FRMD6: variants seen among roughly 807,000 people sequenced by gnomAD.
The protein encoded by FRMD6 is FERM domain-containing protein 6.
FRMD6 carries 37 observed loss-of-function variants against 73.2 expected under a neutral mutation model. The ratio of observed to expected loss-of-function variants is 0.51; its 90% CI spans 0.39 to 0.66. The LOEUF is 0.66. Ranked by LOEUF, FRMD6 falls within the 30% of genes least tolerant of loss-of-function variation. The pLI is 0.00. For synonymous variants in FRMD6, 273 were observed against 282.2 expected (o/e 0.97, Z 0.33); for missense variants, 714 against 780.5 (o/e 0.91, Z 1.02).
intron 1 of FRMD6, among the ~76,000 whole-genome samples, chr14:51,551,376 A>T (rs913584087): frequency 3.3e-5 from 5 of 152,226 alleles, no homozygotes; most frequent in African/African-American, 1.2e-4. Context: ...AGGAAGAAAA[A>T]GTTCAGTTGT....
At chr14:51,591,891 T>A (rs546857591) in intron 2 of FRMD6, among the ~76,000 whole-genome samples, 4 of 152,346 alleles carry the variant, frequency 2.6e-5, no homozygotes, top group Admixed American at 1.3e-4. Context: ...GAGAGTTTAA[T>A]GACAAAATAA....
intron 9 of FRMD6, among the ~76,000 whole-genome samples, chr14:51,713,042 A>G (rs907190824): frequency 9.9e-5 from 15 of 152,090 alleles, no homozygotes; most frequent in African/African-American, 3.1e-4. Context: ...AGAATGATAC[A>G]TTTTCTTTTG....
chr14:51,659,585 C>T (rs1041058614), intron 1 of FRMD6, among the ~76,000 whole-genome samples: 3 of 152,180 alleles, frequency 2.0e-5, no homozygotes, highest in African/African-American at 7.2e-5. Context: ...TTCTAATTTC[C>T]AGCCGTCTCA....
At chr14:51,599,277 C>G (rs1176582304) in intron 2 of FRMD6, among the ~76,000 whole-genome samples, 3 of 151,940 alleles carry the variant, frequency 2.0e-5, no homozygotes, top group Admixed American at 1.3e-4. Flanking sequence ...GCTGGGATAG[C>G]TAGCTATCCA....
the FRMD6 span, among the ~76,000 whole-genome samples, chr14:51,467,608 A>T: frequency 6.6e-6 from 1 of 151,812 alleles, no homozygotes; most frequent in African/African-American, 2.4e-5. Flanking sequence ...CTCACTTCCC[A>T]GACTGGGCGG....
intron 1 of FRMD6, among the ~76,000 whole-genome samples, chr14:51,503,855 G>T (rs1346288254): frequency 2.0e-5 from 3 of 147,090 alleles, no homozygotes; most frequent in South Asian, 2.2e-4. Flanking sequence ...TTGGTTTTGG[G>T]TTTTTTTTTG....
At chr14:51,558,354 G>T (rs181464650) in intron 1 of FRMD6, among the ~76,000 whole-genome samples, 207 of 152,048 alleles carry the variant, frequency 1.4e-3, no homozygotes, top group Admixed American at 3.3e-3. Context: ...TGTAATCCTA[G>T]CTACTCAGGA....
chr14:51,534,788 T>C (rs942896296), intron 1 of FRMD6, among the ~76,000 whole-genome samples: 9 of 152,214 alleles, frequency 5.9e-5, no homozygotes, highest in South Asian at 2.1e-4. Flanking sequence ...CAGAGTCATT[T>C]GTGTGACCCC....
At chr14:51,623,647 C>T (rs1178123423) in intron 2 of FRMD6, among the ~76,000 whole-genome samples, 1 of 152,150 alleles carries the variant, frequency 6.6e-6, no homozygotes, top group Admixed American at 6.6e-5. Context: ...CCTGGAAGAC[C>T]TTTCTAACCA....
At chr14:51,709,300 C>T (rs181916706) in intron 7 of FRMD6, among the ~76,000 whole-genome samples, 42 of 152,230 alleles carry the variant, frequency 2.8e-4, no homozygotes, top group African/African-American at 8.9e-4. Flanking sequence ...AGCAACATAC[C>T]TGCTTTTTAG....
At chr14:51,406,674 T>C in the FRMD6 span, among the ~76,000 whole-genome samples, 1 of 151,978 alleles carries the variant, frequency 6.6e-6, no homozygotes, top group Non-Finnish European at 1.5e-5. Context: ...TTGATTGTTA[T>C]ACTAATTAGA....
the FRMD6 span, among the ~76,000 whole-genome samples, chr14:51,455,803 A>G: frequency 2.6e-5 from 4 of 152,104 alleles, no homozygotes; most frequent in African/African-American, 9.7e-5. Context: ...GTAAAGGGAG[A>G]GGTAAGGGAA....
chr14:51,527,313 C>G (rs75499301), intron 1 of FRMD6, among the ~76,000 whole-genome samples: 2,618 of 152,322 alleles, frequency 0.017, 45 homozygotes, highest in South Asian at 0.075. Flanking sequence ...AACATTAACT[C>G]AACATATTCC....
At chr14:51,437,712 T>C in the FRMD6 span, among the ~76,000 whole-genome samples, 436 of 152,258 alleles carry the variant, frequency 2.9e-3, 3 homozygotes, top group African/African-American at 1.0e-2. Context: ...GAGATCTCTT[T>C]TCTCTACACC....
intron 1 of FRMD6, among the ~76,000 whole-genome samples, chr14:51,532,244 C>A (rs61181433): frequency 0.029 from 4,402 of 151,864 alleles, 89 homozygotes; most frequent in African/African-American, 0.054. Flanking sequence ...TGGCGGGCAC[C>A]TGTAGTCCCA....
chr14:51,432,219 G>T, the FRMD6 span, among the ~76,000 whole-genome samples: 2 of 152,080 alleles, frequency 1.3e-5, no homozygotes, highest in African/African-American at 4.8e-5. Flanking sequence ...TGCTGCCTTT[G>T]GTGACAGTTC....
At chr14:51,594,576 G>A (rs766993238) in intron 2 of FRMD6, among the ~76,000 whole-genome samples, 2 of 151,966 alleles carry the variant, frequency 1.3e-5, no homozygotes, top group Non-Finnish European at 2.9e-5. Flanking sequence ...TGATCCACCC[G>A]CCTCGGCCTC....
At chr14:51,496,051 G>A (rs1883272272) in intron 1 of FRMD6, among the ~76,000 whole-genome samples, 1 of 152,176 alleles carries the variant, frequency 6.6e-6, no homozygotes, top group Non-Finnish European at 1.5e-5. Context: ...GTATTAGAAT[G>A]TGGAAGATGT....
chr14:51,536,253 C>T (rs1457122169), intron 1 of FRMD6, among the ~76,000 whole-genome samples: 1 of 151,102 alleles, frequency 6.6e-6, no homozygotes, highest in African/African-American at 2.4e-5. Flanking sequence ...GCTACCATGC[C>T]TAGCTAATTA....
Sources: gnomAD v4.1 joint callset for allele counts (sites outside exome capture counted in the v4.1 genomes callset) on GRCh38, gnomAD v4.1.1 for gene constraint, MANE v1.5 for transcripts, NCBI Gene and HGNC (gene_info 2026-07-23, HGNC 2026-07-21) for gene names.